TMTC1: variants seen among roughly 807,000 people sequenced by gnomAD.
TMTC1 encodes the protein protein O-mannosyl-transferase TMTC1.
TMTC1 carries 73 observed loss-of-function variants against 104.8 expected under a neutral mutation model. The ratio of observed to expected loss-of-function variants is 0.70; its 90% CI spans 0.58 to 0.85. TMTC1 has a LOEUF of 0.85. TMTC1 is among the 40% of genes least tolerant of loss of function. TMTC1 has a pLI of 0.00. For missense variants in TMTC1, 1,035 were observed against 1,096.1 expected (o/e 0.94, Z 0.79); for synonymous variants, 434 against 428.7 (o/e 1.01, Z -0.15).
chr12:29,593,378 A>G (rs1337576472), intron 7 of TMTC1, among the ~76,000 whole-genome samples: 1 of 152,242 alleles, frequency 6.6e-6, no homozygotes, highest in Non-Finnish European at 1.5e-5. Context: ...GTTACACATT[A>G]ATAAAATATG....
intron 1 of TMTC1, chr12:29,782,687 AT>A (rs1943861267): frequency 6.6e-6 from 1 of 152,188 alleles, no homozygotes; most frequent in Non-Finnish European, 1.5e-5. Flanking sequence ...AACCTGGCAT[AT>A]TCTCGGTTCC....
intron 5 of TMTC1, among the ~76,000 whole-genome samples, chr12:29,748,528 A>G (rs1392384249): frequency 6.6e-6 from 1 of 152,238 alleles, no homozygotes; most frequent in Non-Finnish European, 1.5e-5. Flanking sequence ...TCTGGGTTCC[A>G]ATCCTGACCC....
At chr12:29,710,360 C>A (rs1861642127) in intron 5 of TMTC1, among the ~76,000 whole-genome samples, 1 of 151,904 alleles carries the variant, frequency 6.6e-6, no homozygotes, top group South Asian at 2.1e-4. Context: ...TTCCTTGCAG[C>A]CATTGGAACC....
intron 5 of TMTC1, among the ~76,000 whole-genome samples, chr12:29,731,636 C>T (rs12303772): frequency 0.3 from 12,724 of 42,862 alleles, 633 homozygotes; most frequent in East Asian, 0.38. Flanking sequence ...ATAAATAACT[C>T]GATAAGCAAG....
rs1944122875 is a variant in TMTC1 at position 29,520,616 on chromosome 12, A to G, written c.1888+2T>C. The G allele has an allele frequency of 6.2e-7, 1 of 1,605,848 alleles. No homozygotes were observed. The highest frequency in any genetic ancestry group is 8.5e-7 in the Non-Finnish European group (1 of 1,174,204). ...GTACAGTTTCTCTTTAATTTCACTT[A>G]CCAGTATCAACTAAGAAAACCCCAT... On this transcript the variant is annotated splice_donor_variant, in intron 12 of 17. Transcript: ENST00000539277. LOFTEE classifies it high-confidence loss of function.
intron 7 of TMTC1, among the ~76,000 whole-genome samples, chr12:29,601,727 A>G (rs79863596): frequency 0.047 from 7,172 of 152,204 alleles, 574 homozygotes; most frequent in African/African-American, 0.16. Context: ...TTTGTAAAAT[A>G]GCAATAATGT....
At chr12:29,673,920 T>C (rs1940623577) in intron 5 of TMTC1, among the ~76,000 whole-genome samples, 1 of 151,708 alleles carries the variant, frequency 6.6e-6, no homozygotes, top group African/African-American at 2.4e-5. Flanking sequence ...CCACCATGCC[T>C]GGCTAATTTT....
rs150291624 is a variant in TMTC1 at position 29,757,803 on chromosome 12, C to T, written c.554+901G>A. ...AGCAAGTCACATCTTACATGGATGG[C>T]GGCAGGCAAAGAGAGCTTGTGCAGG... is the stretch of plus-strand genomic sequence containing the variant. On this transcript the variant is annotated intron_variant, in intron 3 of 17. Transcript: ENST00000539277. Among the ~76,000 whole-genome samples, 269 of 152,190 alleles carry T rather than the reference C, an allele frequency of 1.8e-3. 1 individual carries two copies. The South Asian group carries it at 0.022, about 12-fold the overall frequency.
intron 7 of TMTC1, among the ~76,000 whole-genome samples, chr12:29,602,476 G>C (rs372655398): frequency 2.0e-5 from 3 of 152,174 alleles, no homozygotes; most frequent in South Asian, 4.1e-4. Context: ...ATGTCATTGA[G>C]TTGGGTGCTA....
At chr12:29,653,708 T>C (rs2136611327) in intron 5 of TMTC1, among the ~76,000 whole-genome samples, 1 of 152,176 alleles carries the variant, frequency 6.6e-6, no homozygotes, top group African/African-American at 2.4e-5. Context: ...AATGTCTGGG[T>C]TAAAAAGGAA....
In TMTC1 at chr12:29,783,828, G is replaced by A. The variant is rs1943897585; in HGVS notation, c.-77C>T. On this transcript the variant is annotated 5_prime_UTR_variant, in exon 1 of 18. Coordinates refer to ENST00000539277, the MANE Select transcript of TMTC1 (RefSeq NM_001193451.2). This position sits in a 1 kb window ranked among gnomAD's most constrained non-coding sequence, Gnocchi z 4.7. Reference sequence around the variant, plus strand: ...TCCCCTACCGGGGCCCCGGCGGCGCGCGGCGTCTGCCCGGAGGGGGGCTCG... The same window carrying A: ...TCCCCTACCGGGGCCCCGGCGGCGCACGGCGTCTGCCCGGAGGGGGGCTCG... The A allele has an allele frequency of 1.8e-6, 2 of 1,089,496 alleles. No homozygotes were observed. Among genetic ancestry groups the A allele is most frequent in the South Asian group, 4.4e-5 (1 of 22,634 alleles). 67.5% of individuals were successfully genotyped at this position (1,089,496 alleles called of 1,614,324 possible).
chr12:29,658,526 G>A (rs965199412), intron 5 of TMTC1: 7 of 157,546 alleles, frequency 4.4e-5, no homozygotes, highest in East Asian at 1.9e-4. Context: ...TGCTTAATAC[G>A]CACATTAAAT....
chr12:29,593,666 C>T (rs1268024700), intron 7 of TMTC1, among the ~76,000 whole-genome samples: 3 of 152,216 alleles, frequency 2.0e-5, no homozygotes, highest in Admixed American at 2.0e-4. Flanking sequence ...TCCTCCCTTA[C>T]AATCATTTCA....
intron 5 of TMTC1, among the ~76,000 whole-genome samples, chr12:29,655,317 A>G (rs971508232): frequency 6.6e-6 from 1 of 152,198 alleles, no homozygotes; most frequent in African/African-American, 2.4e-5. Flanking sequence ...GGATTTTTGT[A>G]GTCTTCAGGA....
intron 5 of TMTC1, among the ~76,000 whole-genome samples, chr12:29,715,797 C>T (rs760548615): frequency 2.6e-5 from 4 of 152,006 alleles, no homozygotes; most frequent in Admixed American, 6.6e-5. Flanking sequence ...AGAATGAGTG[C>T]TGAACAAAGG....
chr12:29,734,584 C>G (rs11050415), intron 5 of TMTC1, among the ~76,000 whole-genome samples: 1 of 152,194 alleles, frequency 6.6e-6, no homozygotes, highest in South Asian at 2.1e-4. Context: ...CAGATAGATC[C>G]ACATATAGAA....
chr12:29,631,054 A>G (rs148542184), intron 6 of TMTC1, among the ~76,000 whole-genome samples: 4 of 152,280 alleles, frequency 2.6e-5, no homozygotes, highest in Non-Finnish European at 5.9e-5. Context: ...AAAACTTTGC[A>G]TATCTTCTTC....
intron 1 of TMTC1, among the ~76,000 whole-genome samples, chr12:29,775,259 C>A (rs151017583): frequency 2.0e-5 from 3 of 152,064 alleles, no homozygotes; most frequent in Non-Finnish European, 4.4e-5. Flanking sequence ...TGGTGGAGTG[C>A]CTGATTGTAA....
At chr12:29,766,153 G>A (rs1943458997) in intron 2 of TMTC1, among the ~76,000 whole-genome samples, 1 of 152,192 alleles carries the variant, frequency 6.6e-6, no homozygotes, top group African/African-American at 2.4e-5. Context: ...CTCACAAAGA[G>A]TTGGGAAAAT....
Sources: allele counts gnomAD v4.1 joint callset (sites outside exome capture counted in the v4.1 genomes callset), GRCh38; gene constraint gnomAD v4.1.1; non-coding constraint Gnocchi (gnomAD v3.1); transcripts MANE v1.5; gene names NCBI Gene and HGNC (gene_info 2026-07-23, HGNC 2026-07-21).